PARPBP: variants seen among roughly 807,000 people sequenced by gnomAD.
PARPBP encodes the protein PCNA-interacting partner.
Under a neutral mutation model 50.0 loss-of-function variants are expected in PARPBP, and 52 were observed. That is an observed-to-expected ratio of 1.04 (90% CI 0.83 to 1.31). PARPBP has a LOEUF of 1.31. Ranked by LOEUF, PARPBP falls within the 50% of genes most tolerant of loss-of-function variation. The pLI, the probability that PARPBP is intolerant of heterozygous loss-of-function variation, is 0.00. For synonymous variants in PARPBP, 244 were observed against 232.1 expected (o/e 1.05, Z -0.47); for missense variants, 697 against 672.0 (o/e 1.04, Z -0.41).
chr12:102,165,465 T>G (rs981345293), intron 5 of PARPBP, among the ~76,000 whole-genome samples: 6 of 152,162 alleles, frequency 3.9e-5, no homozygotes, highest in Non-Finnish European at 7.3e-5. Flanking sequence ...TTAATATACT[T>G]TAGCTCTTAA....
intron 8 of PARPBP, among the ~76,000 whole-genome samples, chr12:102,179,196 A>G (rs983605162): frequency 1.3e-5 from 2 of 152,204 alleles, no homozygotes; most frequent in East Asian, 1.9e-4. Flanking sequence ...TATGTTAGCA[A>G]TTAGCAAGGG....
At chr12:102,130,303 C>T (rs957534797) in intron 2 of PARPBP, among the ~76,000 whole-genome samples, 1 of 152,168 alleles carries the variant, frequency 6.6e-6, no homozygotes, top group Non-Finnish European at 1.5e-5. Flanking sequence ...ACAACCTAGG[C>T]AATACCATTC....
chr12:102,162,221 CAT>C lies in PARPBP; in HGVS notation c.496-2216_496-2215del, dbSNP rs57872281. 3.5e-3 allele frequency among the ~76,000 whole-genome samples: 535 copies of C among 152,134 alleles called. 2 individuals carry two copies. The highest frequency in any genetic ancestry group is 0.012 in the African/African-American group (481 of 41,492). On this transcript the variant is annotated intron_variant, in intron 4 of 10. Transcript: ENST00000327680. Reference sequence around the variant, plus strand: ...TTTCTTTTATGCTTCAAAAATTTAACATGTGATTAGATTGAATATGATGAAAT... The same window carrying C: ...TTTCTTTTATGCTTCAAAAATTTAACGTGATTAGATTGAATATGATGAAAT...
At chr12:102,164,025 T>C (rs765763299) in intron 4 of PARPBP, among the ~76,000 whole-genome samples, 14 of 152,172 alleles carry the variant, frequency 9.2e-5, no homozygotes, top group Non-Finnish European at 2.1e-4. Context: ...AACTGGATAT[T>C]ATAGGTAATA....
chr12:102,179,824 A>C (rs538798993), intron 8 of PARPBP, among the ~76,000 whole-genome samples: 7 of 152,172 alleles, frequency 4.6e-5, no homozygotes, highest in Non-Finnish European at 1.0e-4. Context: ...TTGGACATTC[A>C]CTTTGAGAAA....
At chr12:102,195,558 G>A (rs543636215) in intron 10 of PARPBP, 111 bp downstream of exon 10, 169 of 797,466 alleles carry the variant, frequency 2.1e-4, no homozygotes, top group Non-Finnish European at 3.0e-4. Flanking sequence ...AATGTAAAGG[G>A]TAATATTTTT....
intron 8 of PARPBP, among the ~76,000 whole-genome samples, chr12:102,181,750 G>A (rs1889840645): frequency 1.3e-5 from 2 of 152,190 alleles, no homozygotes; most frequent in South Asian, 2.1e-4. Flanking sequence ...CAGGCTGTTA[G>A]AACAAAACAC....
intron 4 of PARPBP, among the ~76,000 whole-genome samples, chr12:102,157,312 C>T (rs577813014): frequency 2.1e-4 from 32 of 152,108 alleles, no homozygotes; most frequent in South Asian, 1.2e-3. Flanking sequence ...ATGGCATAAC[C>T]GCAATATAAG....
intron 4 of PARPBP, among the ~76,000 whole-genome samples, chr12:102,163,670 G>T (rs1887833090): frequency 6.6e-6 from 1 of 151,734 alleles, no homozygotes; most frequent in African/African-American, 2.4e-5. Context: ...ATATCTATTG[G>T]TTTGTCTATA....
At chr12:102,128,645 C>A (rs1263245241) in intron 2 of PARPBP, among the ~76,000 whole-genome samples, 5 of 152,166 alleles carry the variant, frequency 3.3e-5, no homozygotes, top group Admixed American at 6.5e-5. Context: ...CATGTTGTTA[C>A]AAATGACAGG....
At chr12:102,152,803 G>A (rs981024219) in intron 3 of PARPBP, among the ~76,000 whole-genome samples, 7 of 151,642 alleles carry the variant, frequency 4.6e-5, no homozygotes, top group African/African-American at 1.5e-4. Context: ...CCAACCCTTT[G>A]GTAGATCAAT....
intron 8 of PARPBP, among the ~76,000 whole-genome samples, chr12:102,179,502 T>G (rs73384885): frequency 0.044 from 6,664 of 152,252 alleles, 413 homozygotes; most frequent in East Asian, 0.29. Context: ...TCAGGGCTGG[T>G]GAGGGCTTTC....
At chr12:102,128,540 A>C (rs1019295770) in intron 2 of PARPBP, among the ~76,000 whole-genome samples, 2 of 152,098 alleles carry the variant, frequency 1.3e-5, no homozygotes, top group African/African-American at 4.8e-5. Flanking sequence ...CTGTAAGTTC[A>C]ACTTTTTAAC....
chr12:102,136,929 T>TTTTTG (rs998252968), intron 2 of PARPBP, among the ~76,000 whole-genome samples: 2 of 151,920 alleles, frequency 1.3e-5, no homozygotes. Context: ...TCTCTTTTGG[T>TTTTTG]TTTTGTTTTG....
chr12:102,153,199 T>C (rs981376646), intron 3 of PARPBP, among the ~76,000 whole-genome samples: 1 of 152,110 alleles, frequency 6.6e-6, no homozygotes, highest in Non-Finnish European at 1.5e-5. Flanking sequence ...CCCTATGATA[T>C]CATCTCTGCC....
At position 102,196,071 on chromosome 12, in the gene PARPBP, G is replaced by T; in HGVS notation, c.1520G>T (p.Ser507Ile). ...TCAACCAGTCAGACAGGAAATAAAA[G>T]CTCAAAAAGGAAACAGGTGGATTTG... ...RKSTSQTGNK[S>I]SKRKQVDLDG... Residue 507 changes from serine to isoleucine, a missense_variant, in exon 11 of 11, where the codon AGC becomes ATC. Physicochemically the swap from Ser to Ile is moderately radical, Grantham distance 142 (BLOSUM62 -2). Transcript: ENST00000327680. 3.1e-6 allele frequency: 5 copies of T among 1,611,866 alleles called. 1 individual carries two copies. In the Middle Eastern group the frequency reaches 6.6e-4, roughly 213 times the overall value.
intron 7 of PARPBP, among the ~76,000 whole-genome samples, chr12:102,176,642 C>A (rs1889310622): frequency 6.6e-6 from 1 of 152,194 alleles, no homozygotes; most frequent in East Asian, 1.9e-4. Flanking sequence ...TCGTTTATTG[C>A]AATTTATTCA....
At chr12:102,122,570 CTT>C (rs561006919) in intron 1 of PARPBP, among the ~76,000 whole-genome samples, 1 of 152,156 alleles carries the variant, frequency 6.6e-6, no homozygotes, top group Non-Finnish European at 1.5e-5. Context: ...AGGAAAAAAA[CTT>C]TTAGCAGGCA....
chr12:102,193,811 T>C (rs965919028), intron 9 of PARPBP, among the ~76,000 whole-genome samples: 1 of 152,080 alleles, frequency 6.6e-6, no homozygotes, highest in African/African-American at 2.4e-5. Context: ...AGCTATTTAA[T>C]AAGTGTTGCA....
Sources: gnomAD v4.1 joint callset for allele counts (sites outside exome capture counted in the v4.1 genomes callset) on GRCh38, gnomAD v4.1.1 for gene constraint, MANE v1.5 for transcripts, NCBI Gene and HGNC (gene_info 2026-07-23, HGNC 2026-07-21) for gene names.